Variants in STXBP5L observed in about 807,000 individuals in gnomAD.
STXBP5L encodes syntaxin-binding protein 5-like.
In STXBP5L, 65 loss-of-function variants were observed where a neutral mutation model predicts 144.5. That is an observed-to-expected ratio of 0.45 (90% CI 0.37 to 0.55). STXBP5L has a LOEUF of 0.55. Among genes scored for constraint, STXBP5L ranks in the 20% least tolerant of loss-of-function variants. The pLI is 0.00. For synonymous variants in STXBP5L, 505 were observed against 469.6 expected (o/e 1.08, Z -0.97); for missense variants, 1,298 against 1,405.5 (o/e 0.92, Z 1.22).
intron 20 of STXBP5L, among the ~76,000 whole-genome samples, chr3:121,328,780 G>A (rs1005290589): frequency 1.3e-5 from 2 of 151,750 alleles, no homozygotes; most frequent in East Asian, 1.9e-4. Context: ...ACTAGGCTTC[G>A]CTTCATAAAT....
chr3:121,184,676 C>A (rs2047297641), intron 9 of STXBP5L, among the ~76,000 whole-genome samples: 1 of 152,070 alleles, frequency 6.6e-6, no homozygotes, highest in East Asian at 1.9e-4. Flanking sequence ...CCCAACCTAG[C>A]AAGACAGGCC....
In STXBP5L at chr3:121,313,072, G is replaced by A. The variant is rs1325016956; in HGVS notation, c.2111-5403G>A. 4.0e-5 allele frequency among the ~76,000 whole-genome samples: 6 copies of A among 149,334 alleles called. No homozygotes were observed. The East Asian group carries it at 8.3e-4, about 21-fold the overall frequency. ...GCGCCCCTCACCTCCCGGATGGGGCGGCTGGCCGGGCGGGGGGCTGACCCC... is the reference window on the plus strand; with the variant it reads ...GCGCCCCTCACCTCCCGGATGGGGCAGCTGGCCGGGCGGGGGGCTGACCCC... On this transcript the variant is annotated intron_variant, in intron 19 of 26. Transcript: ENST00000471454.
chr3:121,189,788 A>G (rs1472596291), intron 9 of STXBP5L, among the ~76,000 whole-genome samples: 1 of 152,100 alleles, frequency 6.6e-6, no homozygotes, highest in African/African-American at 2.4e-5. Context: ...TAAATTATAC[A>G]TTTGACTCAT....
chr3:121,314,485 C>T (rs1179172740), intron 19 of STXBP5L, among the ~76,000 whole-genome samples: 1 of 144,494 alleles, frequency 6.9e-6, no homozygotes, highest in Non-Finnish European at 1.5e-5. Context: ...ATCGCAGGCA[C>T]TCGGCAGGCT....
At chr3:121,254,790 T>C (rs2050152131) in intron 15 of STXBP5L, 105 bp from the exon 16 acceptor site, 1 of 962,370 alleles carries the variant, frequency 1.0e-6, no homozygotes, top group Admixed American at 3.0e-5. Flanking sequence ...TCACTTTGTC[T>C]ACTTAGGTTT....
At chr3:121,414,170 T>C (rs894685232) in intron 24 of STXBP5L, among the ~76,000 whole-genome samples, 3 of 152,012 alleles carry the variant, frequency 2.0e-5, no homozygotes, top group African/African-American at 7.2e-5. Flanking sequence ...TTTTTCTATA[T>C]GCCTAATACT....
At chr3:121,167,657 A>G (rs887933578) in intron 9 of STXBP5L, among the ~76,000 whole-genome samples, 1 of 152,162 alleles carries the variant, frequency 6.6e-6, no homozygotes, top group Non-Finnish European at 1.5e-5. Flanking sequence ...GGCATCTCTG[A>G]AAAAAATAAG....
chr3:120,908,862 G>A (rs1248302835), intron 1 of STXBP5L, among the ~76,000 whole-genome samples: 2 of 149,948 alleles, frequency 1.3e-5, no homozygotes, highest in Admixed American at 1.3e-4. Flanking sequence ...AGGGAGATGA[G>A]GGGGAGGTGA....
intron 9 of STXBP5L, among the ~76,000 whole-genome samples, chr3:121,198,174 T>C (rs2047996399): frequency 1.3e-5 from 2 of 152,222 alleles, no homozygotes; most frequent in Admixed American, 6.5e-5. Flanking sequence ...CCTGACTCTT[T>C]AATAGCCATT....
At chr3:121,138,567 C>T (rs2045361399) in intron 7 of STXBP5L, among the ~76,000 whole-genome samples, 1 of 152,038 alleles carries the variant, frequency 6.6e-6, no homozygotes, top group African/African-American at 2.4e-5. Context: ...GATACATAGG[C>T]TGATGGAACA....
intron 5 of STXBP5L, among the ~76,000 whole-genome samples, chr3:121,049,468 G>A (rs1350420958): frequency 2.6e-5 from 4 of 152,152 alleles, no homozygotes; most frequent in African/African-American, 9.6e-5. Flanking sequence ...CTTTTACTGA[G>A]TGTCTACGAT....
intron 16 of STXBP5L, among the ~76,000 whole-genome samples, chr3:121,256,044 ACT>A (rs2050196529): frequency 6.6e-6 from 1 of 152,056 alleles, no homozygotes; most frequent in Non-Finnish European, 1.5e-5. Context: ...TATCTGTGTG[ACT>A]CTGAACAAGC....
At chr3:121,378,645 C>T in intron 20 of STXBP5L, 71 bp from the exon 21 acceptor site, 2 of 1,447,194 alleles carry the variant, frequency 1.4e-6, no homozygotes, top group Non-Finnish European at 1.9e-6. Context: ...ATTTGTTAAT[C>T]TACACGCTTG....
chr3:121,144,922 C>G (rs1449104466), intron 7 of STXBP5L, among the ~76,000 whole-genome samples: 1 of 151,924 alleles, frequency 6.6e-6, no homozygotes, highest in Non-Finnish European at 1.5e-5. Context: ...ACAGATTCTT[C>G]ACTATTCAAC....
chr3:120,923,632 G>T (rs1406431765), intron 2 of STXBP5L, among the ~76,000 whole-genome samples: 2 of 151,788 alleles, frequency 1.3e-5, no homozygotes, highest in African/African-American at 4.8e-5. Context: ...ATTTTCCTGT[G>T]TTTGTGTAGT....
chr3:121,389,080 T>C (rs2046505525), intron 22 of STXBP5L, among the ~76,000 whole-genome samples: 2 of 152,228 alleles, frequency 1.3e-5, no homozygotes, highest in African/African-American at 2.4e-5. Context: ...CTGTTATTGG[T>C]CTATTCAGAG....
intron 9 of STXBP5L, among the ~76,000 whole-genome samples, chr3:121,195,513 T>G (rs1368008656): frequency 6.6e-6 from 1 of 152,222 alleles, no homozygotes; most frequent in Non-Finnish European, 1.5e-5. Context: ...TGTGAGATAA[T>G]GCAATATTTG....
intron 2 of STXBP5L, among the ~76,000 whole-genome samples, chr3:120,918,545 T>C (rs1366259294): frequency 6.6e-6 from 1 of 152,334 alleles, no homozygotes. Flanking sequence ...TCAGACATTG[T>C]ACCCTTCCAC....
chr3:121,419,195 A>G lies in STXBP5L; in HGVS notation c.*98A>G. On this transcript the variant is annotated 3_prime_UTR_variant, in exon 27 of 27. Coordinates refer to ENST00000471454, the MANE Select transcript of STXBP5L (RefSeq NM_001308330.2). ...CAACTGCTAGAAGCCAGTTTCTTCT[A>G]CAAAATGTTCCATTTACAGTCAATC... The G allele has an allele frequency of 8.4e-7, 1 of 1,197,192 alleles. No individual in the cohort carries two copies. The highest frequency in any genetic ancestry group is 1.2e-6 in the Non-Finnish European group (1 of 843,994). 74.2% of individuals were successfully genotyped at this position (1,197,192 alleles called of 1,614,324 possible).
Sources: allele counts gnomAD v4.1 joint callset (sites outside exome capture counted in the v4.1 genomes callset), GRCh38; gene constraint gnomAD v4.1.1; transcripts MANE v1.5; gene names NCBI Gene and HGNC (gene_info 2026-07-23, HGNC 2026-07-21).